Variants in TMTC2 observed in about 807,000 individuals in gnomAD.
TMTC2 encodes protein O-mannosyl-transferase TMTC2.
A neutral mutation model predicts 82.4 loss-of-function variants in TMTC2; 43 were observed. The observed-to-expected ratio is 0.52, with a 90% CI of 0.41 to 0.67. The LOEUF (loss-of-function observed/expected upper bound fraction) is 0.67, where lower values mean the gene tolerates loss of function less well. Ranked by LOEUF, TMTC2 falls within the 30% of genes least tolerant of loss-of-function variation. The pLI is 0.00. For synonymous variants in TMTC2, 408 were observed against 381.9 expected (o/e 1.07, Z -0.80); for missense variants, 919 against 1,012.4 (o/e 0.91, Z 1.25).
intron 3 of TMTC2, among the ~76,000 whole-genome samples, chr12:82,912,288 G>A (rs1466513038): frequency 6.6e-6 from 1 of 152,096 alleles, no homozygotes; most frequent in Non-Finnish European, 1.5e-5. Flanking sequence ...TCAAAGCATG[G>A]CGTTTTCTTC....
chr12:82,890,740 G>A (rs534922330), intron 2 of TMTC2, among the ~76,000 whole-genome samples: 1 of 152,202 alleles, frequency 6.6e-6, no homozygotes, highest in South Asian at 2.1e-4. Flanking sequence ...TGGTTTTCTG[G>A]ACAGAGTAGT....
intron 7 of TMTC2, among the ~76,000 whole-genome samples, chr12:82,980,831 C>T (rs545941924): frequency 6.6e-6 from 1 of 151,960 alleles, no homozygotes; most frequent in East Asian, 1.9e-4. Flanking sequence ...GTGTCACTCA[C>T]TTAATATTTT....
At chr12:82,724,502 G>GCT (rs770407705) in intron 1 of TMTC2, among the ~76,000 whole-genome samples, 40 of 151,990 alleles carry the variant, frequency 2.6e-4, no homozygotes, top group Admixed American at 2.1e-3. Context: ...GTTCCCCTGC[G>GCT]CTCTCTCTCT....
rs58427886 is a variant in TMTC2, at chr12:82,752,147, C to CATTTTTT, written c.83+64478_83+64479insATTTTTT. Among the ~76,000 whole-genome samples the CATTTTTT allele has an allele frequency of 5.8e-5, 8 of 137,938 alleles. 4 individuals are homozygous for CATTTTTT. The highest frequency in any genetic ancestry group is 3.0e-5 in the Non-Finnish European group (2 of 66,026). 90.5% of individuals were successfully genotyped at this position (137,938 alleles called of 152,430 possible). ...ATGTTTTTATATTTATTGGAAGCTC[C>CATTTTTT]TTTTTTTTTTTTTTTTTTTCTGAAG... On this transcript the variant is annotated intron_variant, in intron 1 of 11. Transcript: ENST00000321196.
At chr12:82,935,110 G>A (rs1448427000) in intron 4 of TMTC2, among the ~76,000 whole-genome samples, 3 of 151,976 alleles carry the variant, frequency 2.0e-5, no homozygotes, top group Non-Finnish European at 2.9e-5. Context: ...CTGAACTCAT[G>A]GTATAGAATT....
chr12:82,818,372 T>C (rs1015385840), intron 1 of TMTC2, among the ~76,000 whole-genome samples: 2 of 152,228 alleles, frequency 1.3e-5, no homozygotes, highest in East Asian at 1.9e-4. Flanking sequence ...TTATTACTTA[T>C]GGGAAGTCCA....
chr12:82,965,430 T>C, intron 5 of TMTC2, 130 bp from the exon 6 acceptor site: 2 of 902,292 alleles, frequency 2.2e-6, no homozygotes, highest in Non-Finnish European at 1.7e-6. Flanking sequence ...CATGAGTATT[T>C]GTGTCATAAG....
intron 8 of TMTC2, among the ~76,000 whole-genome samples, chr12:83,014,258 A>C (rs1239569922): frequency 6.6e-6 from 1 of 152,120 alleles, no homozygotes; most frequent in African/African-American, 2.4e-5. Context: ...TGCCTTCTGC[A>C]CTCAAGTGAT....
At chr12:82,848,580 A>G (rs954926572) in intron 1 of TMTC2, among the ~76,000 whole-genome samples, 2 of 152,178 alleles carry the variant, frequency 1.3e-5, no homozygotes, top group African/African-American at 4.8e-5. Context: ...TTATAAATGA[A>G]TGAATGAATA....
At chr12:82,782,908 A>C (rs1877979754) in intron 1 of TMTC2, among the ~76,000 whole-genome samples, 1 of 152,102 alleles carries the variant, frequency 6.6e-6, no homozygotes, top group Non-Finnish European at 1.5e-5. Context: ...TCCTTTTTGC[A>C]CAGAGACAAG....
intron 9 of TMTC2, among the ~76,000 whole-genome samples, chr12:83,033,705 C>T (rs1054049033): frequency 1.2e-4 from 18 of 151,566 alleles, no homozygotes; most frequent in African/African-American, 3.9e-4. Flanking sequence ...GAGCCAAGAT[C>T]GCACCACTGC....
chr12:82,844,273 TTGC>T (rs1870506665), intron 1 of TMTC2, among the ~76,000 whole-genome samples: 1 of 152,110 alleles, frequency 6.6e-6, no homozygotes, highest in South Asian at 2.1e-4. Context: ...TAGAGGAAAA[TTGC>T]CATGTACTTT....
chr12:82,759,466 A>G (rs900384920), intron 1 of TMTC2: 1 of 152,224 alleles, frequency 6.6e-6, no homozygotes, highest in South Asian at 2.1e-4. Flanking sequence ...CAAGAATGAT[A>G]CAAAAGCACT....
intron 1 of TMTC2, among the ~76,000 whole-genome samples, chr12:82,729,673 A>C (rs1450163718): frequency 6.6e-6 from 1 of 152,220 alleles, no homozygotes; most frequent in East Asian, 1.9e-4. Context: ...GGCTCTGTGT[A>C]AAATGGACCA....
chr12:82,880,862 G>A (rs544587869), intron 2 of TMTC2, among the ~76,000 whole-genome samples: 3 of 149,652 alleles, frequency 2.0e-5, no homozygotes, highest in South Asian at 4.2e-4. Context: ...ATGTTTGCAC[G>A]TGTAAGTTCA....
At chr12:82,937,920 T>A (rs1347738719) in intron 4 of TMTC2, among the ~76,000 whole-genome samples, 154 of 129,124 alleles carry the variant, frequency 1.2e-3, no homozygotes, top group Admixed American at 4.4e-3. Flanking sequence ...TTTTTTTTTT[T>A]TATTTTTTTT....
At chr12:82,773,551 C>T (rs1189331911) in intron 1 of TMTC2, among the ~76,000 whole-genome samples, 1 of 151,684 alleles carries the variant, frequency 6.6e-6, no homozygotes, top group Non-Finnish European at 1.5e-5. Flanking sequence ...GCCTCTGCCT[C>T]CCGGGTTCAA....
chr12:82,776,223 A>G (rs1004891170), intron 1 of TMTC2, among the ~76,000 whole-genome samples: 2 of 152,096 alleles, frequency 1.3e-5, no homozygotes, highest in Non-Finnish European at 2.9e-5. Flanking sequence ...TTTTTTCAAC[A>G]TACATATGCT....
chr12:82,876,118 G>GATGATGA (rs1872541901), intron 2 of TMTC2, among the ~76,000 whole-genome samples: 1 of 148,082 alleles, frequency 6.8e-6, no homozygotes, highest in African/African-American at 2.5e-5. Context: ...GGTGGTGGTG[G>GATGATGA]TGGTATTAGT....
Sources: gnomAD v4.1 joint callset for allele counts (sites outside exome capture counted in the v4.1 genomes callset) on GRCh38, gnomAD v4.1.1 for gene constraint, MANE v1.5 for transcripts, NCBI Gene and HGNC (gene_info 2026-07-23, HGNC 2026-07-21) for gene names.